Variants in LLGL2 observed in about 807,000 individuals in gnomAD.
LLGL2 encodes the protein LLGL scribble cell polarity complex component 2, also known as LLGL2, scribble cell polarity complex component.
A neutral mutation model predicts 123.2 loss-of-function variants in LLGL2; 81 were observed. That is an observed-to-expected ratio of 0.66 (90% CI 0.55 to 0.79). LLGL2 has a LOEUF of 0.79. LLGL2 is among the 30% of genes least tolerant of loss of function. LLGL2 has a pLI of 0.00. For synonymous variants in LLGL2, 577 were observed against 594.1 expected (o/e 0.97, Z 0.42); for missense variants, 1,273 against 1,414.6 (o/e 0.90, Z 1.61).
chr17:75,550,801 AAAAC>A lies in LLGL2; in HGVS notation c.76-5243_76-5240del, dbSNP rs1200495419. 3.7e-3 allele frequency among the ~76,000 whole-genome samples: 487 copies of A among 130,906 alleles called. 2 individuals carry two copies. Among genetic ancestry groups the A allele is most frequent in the African/African-American group, 0.014 (459 of 31,996 alleles). 85.9% of individuals were successfully genotyped at this position (130,906 alleles called of 152,430 possible). ...GTCTCAAAAAAAAAAAAAAAAAAAA[AAAAC>A]ACACACACACAAACTAGGGGGCAAC... On this transcript the variant is annotated intron_variant, in intron 2 of 25. Coordinates refer to ENST00000392550, the MANE Select transcript of LLGL2 (RefSeq NM_001031803.2).
chr17:75,556,250 G>A, intron 3 of LLGL2, 107 bp downstream of exon 3: 2 of 864,552 alleles, frequency 2.3e-6, no homozygotes, highest in Non-Finnish European at 3.6e-6. Flanking sequence ...GATAAAATGA[G>A]GGACTTTCCT....
At chr17:75,545,057 G>T (rs908240038) in intron 2 of LLGL2, among the ~76,000 whole-genome samples, 5 of 152,052 alleles carry the variant, frequency 3.3e-5, no homozygotes, top group Non-Finnish European at 7.4e-5. Flanking sequence ...CCAGTCTTTC[G>T]CTTTGAAAAG....
At chr17:75,548,588 T>C (rs1598558202) in intron 2 of LLGL2, among the ~76,000 whole-genome samples, 1 of 151,478 alleles carries the variant, frequency 6.6e-6, no homozygotes. Context: ...TCACCTGAGG[T>C]CAGGAGTTCG....
In LLGL2 at chr17:75,572,062, A is replaced by G. The variant is rs772403669; in HGVS notation, c.2458A>G (p.Lys820Glu). ...QLLVVSEEQF[K>E]VFTLPKVSAK... ...GCTCGTCGTATCAGAGGAGCAGTTCAAGGTGCCACACGGGCAGCGGCGGGT... is the reference window on the plus strand; with the variant it reads ...GCTCGTCGTATCAGAGGAGCAGTTCGAGGTGCCACACGGGCAGCGGCGGGT... The change falls in exon 19 of 26, where the codon AAG (lysine) becomes GAG (glutamate). Residue 820 changes from lysine to glutamate, a missense_variant and splice_region_variant. Coordinates refer to ENST00000392550, the MANE Select transcript of LLGL2 (RefSeq NM_001031803.2). The G allele has an allele frequency of 1.2e-6, 2 of 1,610,236 alleles. No homozygotes were observed. Among genetic ancestry groups the G allele is most frequent in the Admixed American group, 3.3e-5 (2 of 59,988 alleles).
At chr17:75,540,883 G>T (rs1164810615) in intron 1 of LLGL2, among the ~76,000 whole-genome samples, 2 of 152,212 alleles carry the variant, frequency 1.3e-5, no homozygotes, top group African/African-American at 4.8e-5. Context: ...AGATGGCCAG[G>T]ACATTCAGCG....
In LLGL2 at chr17:75,544,202, A is replaced by G. The variant is rs2054324128; in HGVS notation, c.75+701A>G. Among the ~76,000 whole-genome samples the G allele has an allele frequency of 6.6e-6, 1 of 152,206 alleles. No individual in the cohort carries two copies. The highest frequency in any genetic ancestry group is 2.1e-4 in the South Asian group (1 of 4,832). On this transcript the variant is annotated intron_variant, in intron 2 of 25. Coordinates refer to ENST00000392550, the MANE Select transcript of LLGL2 (RefSeq NM_001031803.2). This position sits in a 1 kb window ranked among gnomAD's most constrained non-coding sequence, Gnocchi z 4.2. The stretch of plus-strand genomic sequence containing the variant: ...CTCTTCAGCTCCCGGGCCACCAAGC[A>G]GTGTGGGGCCTTGTGAGGTAATGAT...
In LLGL2 at chr17:75,559,160, T is replaced by C; in HGVS notation, c.372-92T>C. The stretch of plus-strand genomic sequence containing the variant: ...GTTATGACCTCATTAAAGGGCCTTA[T>C]GGGCTTGTTTTCCGAGGAGTCAGGG... On this transcript the variant is annotated intron_variant, in intron 5 of 25. Coordinates refer to ENST00000392550, the MANE Select transcript of LLGL2 (RefSeq NM_001031803.2). The surrounding 1 kb of genome is among the most constrained non-coding windows in gnomAD (Gnocchi z 4.6). The C allele has an allele frequency of 7.4e-7, 1 of 1,350,134 alleles. No individual in the cohort carries two copies. The allele number at this position is 1,350,134 out of a possible 1,614,324, so 83.6% of individuals were successfully genotyped here.
In LLGL2 at chr17:75,568,319, G is replaced by A. The variant is rs1232281461; in HGVS notation, c.1037-157G>A. ...AGAGCCAGGGCTACTGCCCACACCT[G>A]CTGCCCTCCTGGAGATGGAAAGGCT... On this transcript the variant is annotated intron_variant, in intron 10 of 25. Coordinates refer to ENST00000392550, the MANE Select transcript of LLGL2 (RefSeq NM_001031803.2). The A allele has an allele frequency of 6.9e-6, 10 of 1,440,600 alleles. No homozygotes were observed. In the African/African-American group the frequency reaches 1.1e-4, roughly 16 times the overall value. The allele number at this position is 1,440,600 out of a possible 1,614,324, so 89.2% of individuals were successfully genotyped here. A position where few individuals can be genotyped will look rare whatever the true frequency, so the allele number is the denominator to read the frequency against.
chr17:75,560,035 T>G (rs2055130337), intron 6 of LLGL2, among the ~76,000 whole-genome samples: 1 of 152,130 alleles, frequency 6.6e-6, no homozygotes, highest in Non-Finnish European at 1.5e-5. Context: ...TGATCTGTGG[T>G]TCCAAGGGGC....
intron 1 of LLGL2, among the ~76,000 whole-genome samples, chr17:75,529,960 C>T (rs2053717464): frequency 6.6e-6 from 1 of 152,170 alleles, no homozygotes; most frequent in South Asian, 2.1e-4. Context: ...TGCTGTGTGA[C>T]CCTAGTGTGG....
chr17:75,544,559 G>A lies in LLGL2; in HGVS notation c.75+1058G>A, dbSNP rs1437684147. Among the ~76,000 whole-genome samples, 2 of 152,228 alleles carry A rather than the reference G, an allele frequency of 1.3e-5. No individual in the cohort carries two copies. Among genetic ancestry groups the A allele is most frequent in the African/African-American group, 2.4e-5 (1 of 41,452 alleles). On this transcript the variant is annotated intron_variant, in intron 2 of 25. Coordinates refer to ENST00000392550, the MANE Select transcript of LLGL2 (RefSeq NM_001031803.2). This position sits in a 1 kb window ranked among gnomAD's most constrained non-coding sequence, Gnocchi z 4.2. ...GAAGCTGGATGGCCGTGTGCCTGTC[G>A]CCCACACCATAGGCTTGTTAAGGGC...
intron 8 of LLGL2, 56 bp downstream of exon 8, chr17:75,563,519 G>A: frequency 1.2e-6 from 2 of 1,600,634 alleles, no homozygotes; most frequent in African/African-American, 1.3e-5. Flanking sequence ...GGATTCAGGT[G>A]CAGGTTGCTC....
chr17:75,570,832 G>A (rs952665503), intron 16 of LLGL2, 118 bp from the exon 17 acceptor site: 13 of 1,335,726 alleles, frequency 9.7e-6, no homozygotes, highest in Non-Finnish European at 1.3e-5. Flanking sequence ...ACGCAGGCCT[G>A]GCAGGTGGCT....
chr17:75,539,537 C>A (rs1457950248), intron 1 of LLGL2, among the ~76,000 whole-genome samples: 3 of 151,448 alleles, frequency 2.0e-5, no homozygotes, highest in African/African-American at 7.3e-5. Context: ...AGCCACCGTG[C>A]CCAGCCCATC....
At chr17:75,573,853 G>A (rs542810043) in intron 21 of LLGL2, 99 bp from the exon 22 acceptor site, 18 of 1,429,000 alleles carry the variant, frequency 1.3e-5, no homozygotes, top group Middle Eastern at 1.7e-4. Context: ...TCCGGCTCAG[G>A]ACAGGCTGCG....
In LLGL2 at chr17:75,574,874, A is replaced by T; in HGVS notation, c.3059A>T (p.Glu1020Val). ...VGCSLSNGGA[E>V] ...GCTGTCCCTCTGTGTCCTTCAGCAG[A>T]GTGAGTGGCTGAGCGTCCAGGCTGC... The change falls in exon 26 of 26, where the codon GAG becomes GTG. Residue 1020 changes from glutamate to valine, a missense_variant. Coordinates refer to ENST00000392550, the MANE Select transcript of LLGL2 (RefSeq NM_001031803.2). 1 of 1,613,978 alleles carries T rather than the reference A, an allele frequency of 6.2e-7. No homozygotes were observed. Among genetic ancestry groups the T allele is most frequent in the South Asian group, 1.1e-5 (1 of 91,084 alleles).
chr17:75,571,200 G>T, intron 17 of LLGL2, 100 bp downstream of exon 17: 1 of 1,154,090 alleles, frequency 8.7e-7, no homozygotes, highest in Non-Finnish European at 1.3e-6. Flanking sequence ...TGGCTGGTAG[G>T]AGCTAAGAGG....
chr17:75,568,173 G>T (rs1336420611), intron 10 of LLGL2: 1 of 1,296,470 alleles, frequency 7.7e-7, no homozygotes, highest in African/African-American at 1.5e-5. Context: ...AACCAGGGAA[G>T]AGGGTTGGCA....
chr17:75,530,878 C>T (rs1336317020), intron 1 of LLGL2, among the ~76,000 whole-genome samples: 1 of 152,174 alleles, frequency 6.6e-6, no homozygotes, highest in Non-Finnish European at 1.5e-5. Flanking sequence ...GAATTGAGGG[C>T]AGCAGTGGAG....
Sources: gnomAD v4.1 joint callset for allele counts (sites outside exome capture counted in the v4.1 genomes callset) on GRCh38, gnomAD v4.1.1 for gene constraint, Gnocchi (gnomAD v3.1) non-coding constraint, MANE v1.5 for transcripts, NCBI Gene and HGNC (gene_info 2026-07-23, HGNC 2026-07-21) for gene names.